SLC35G1: variants seen among roughly 807,000 people sequenced by gnomAD.
SLC35G1 encodes partner of STIM1.
In SLC35G1, 10 loss-of-function variants were observed where a neutral mutation model predicts 17.1. That is an observed-to-expected ratio of 0.59 (90% confidence interval 0.36 to 0.99). The LOEUF (loss-of-function observed/expected upper bound fraction) is 0.99, where lower values mean the gene tolerates loss of function less well. SLC35G1 is among the 50% of genes least tolerant of loss of function. The pLI is 0.01. For synonymous variants in SLC35G1, 185 were observed against 181.1 expected (o/e 1.02, Z -0.18); for missense variants, 433 against 468.4 (o/e 0.92, Z 0.70).
chr10:93,906,356 G>C (rs967066740), downstream of SLC35G1: 1 of 152,248 alleles, frequency 6.6e-6, no homozygotes, highest in African/African-American at 2.4e-5. Context: ...TGCACTACCA[G>C]CTGATAGCCA....
In SLC35G1 at chr10:93,900,791, C is replaced by T. The variant is rs777486999; in HGVS notation, c.399C>T (p.Leu133=). 5 of 1,610,110 alleles carry T rather than the reference C, an allele frequency of 3.1e-6. No homozygotes were observed. The East Asian group carries it at 8.9e-5, about 29-fold the overall frequency. Reference sequence around the variant, plus strand: ...GCCCAAAAGGTCAACGAATTTTCCTCATTCTCAGAGGAGTCCTTGGTTCTA... The same window carrying T: ...GCCCAAAAGGTCAACGAATTTTCCTTATTCTCAGAGGAGTCCTTGGTTCTA... The part of the protein sequence containing the change: ...FIGPKGQRIF[L]ILRGVLGSTA... Residue 133 remains leucine, a synonymous_variant, in exon 3 of 3, where the codon CTC becomes CTT. Coordinates refer to ENST00000427197, the MANE Select transcript of SLC35G1 (RefSeq NM_001134658.3).
rs138678421 is a variant in SLC35G1 at position 93,894,646 on chromosome 10, G to T, written c.178+435G>T. Among the ~76,000 whole-genome samples, 673 of 152,246 alleles carry T rather than the reference G, an allele frequency of 4.4e-3. 8 individuals are homozygous for T. Among genetic ancestry groups the T allele is most frequent in the African/African-American group, 0.015 (637 of 41,544 alleles). On this transcript the variant is annotated intron_variant, in intron 1 of 2. Coordinates refer to ENST00000427197, the MANE Select transcript of SLC35G1 (RefSeq NM_001134658.3). ...TCCGAAAAGGAAGCTGAAAAGCATC[G>T]AGTCTAGAAAAAATGTTCGTCCTAG...
At chr10:93,905,954 G>A (rs140256674), downstream of SLC35G1, among the ~76,000 whole-genome samples, 268 of 152,278 alleles carry the variant, frequency 1.8e-3, 2 homozygotes, top group African/African-American at 6.3e-3. Context: ...TGCAGCAGAA[G>A]TACATGGAAA....
chr10:93,907,288 A>G (rs1314285387), downstream of SLC35G1: 1 of 152,164 alleles, frequency 6.6e-6, no homozygotes, highest in Non-Finnish European at 1.5e-5. Flanking sequence ...TTGTATGTGC[A>G]TTTTAGAAAA....
At chr10:93,897,707 G>T (rs1253299013) in intron 1 of SLC35G1, among the ~76,000 whole-genome samples, 2 of 152,168 alleles carry the variant, frequency 1.3e-5, no homozygotes, top group Non-Finnish European at 2.9e-5. Flanking sequence ...CACACAGATT[G>T]TCATTAATGA....
Position 93,894,128 on chromosome 10 carries a change from C to A in SLC35G1, c.95C>A (p.Ala32Glu), listed in dbSNP as rs940966832. 17 of 1,484,888 alleles carry A rather than the reference C, an allele frequency of 1.1e-5. No individual in the cohort carries two copies. In the Admixed American group the frequency reaches 1.6e-4, roughly 14 times the overall value. The allele number at this position is 1,484,888 out of a possible 1,614,324, so 92.0% of individuals were successfully genotyped here. A position where few individuals can be genotyped will look rare whatever the true frequency, so the allele number is the denominator to read the frequency against. Residue 32 changes from alanine to glutamate, a missense_variant, in exon 1 of 3, where the codon GCG becomes GAG. Physicochemically the swap from Ala to Glu is moderately radical, Grantham distance 107 (BLOSUM62 -1). Coordinates refer to ENST00000427197, the MANE Select transcript of SLC35G1 (RefSeq NM_001134658.3). ...DAPPGATEEP[A>E]AAEAAGAPDR... Reference sequence around the variant, plus strand: ...CCCCCGGGCGCCACTGAGGAGCCGGCGGCCGCCGAGGCAGCTGGGGCGCCA... The same window carrying A: ...CCCCCGGGCGCCACTGAGGAGCCGGAGGCCGCCGAGGCAGCTGGGGCGCCA...
At chr10:93,900,637 CTA>C in intron 2 of SLC35G1, 113 bp from the exon 3 acceptor site, 1 of 608,726 alleles carries the variant, frequency 1.6e-6, no homozygotes, top group East Asian at 3.5e-5. Context: ...AATTAATTTA[CTA>C]TTCCCTCATT....
downstream of SLC35G1, chr10:93,907,169 A>G (rs561362047): frequency 3.3e-5 from 5 of 152,336 alleles, no homozygotes; most frequent in African/African-American, 1.2e-4. Context: ...ACTTGAGTCC[A>G]GGAGTTTAAG....
At chr10:93,898,819 A>G (rs2060355835) in intron 2 of SLC35G1, 68 bp downstream of exon 2, 4 of 1,435,216 alleles carry the variant, frequency 2.8e-6, no homozygotes, top group Non-Finnish European at 3.8e-6. Context: ...ACCTGCCTAT[A>G]ATTACTCTAT....
chr10:93,906,207 T>C (rs978253510), downstream of SLC35G1: 2 of 152,266 alleles, frequency 1.3e-5, no homozygotes, highest in Non-Finnish European at 2.9e-5. Context: ...TAATTCAGAA[T>C]GGACTAACAT....
chr10:93,894,065 AG>A lies in SLC35G1; in HGVS notation c.33del (p.Glu11AspfsTer9). On this transcript the variant is annotated frameshift_variant, in exon 1 of 3. Transcript: ENST00000427197. LOFTEE classifies it high-confidence loss of function. ...CCTCAGGACAGCACCGGGGTCGCGG[AG>A]CTCCAGGAGCCCGGGCTGCCGCTAA... The part of the protein sequence containing the change: MRPQDSTGVA[E>X]LQEPGLPLTD... The A allele has an allele frequency of 6.7e-7, 1 of 1,481,610 alleles. No individual in the cohort carries two copies. The highest frequency in any genetic ancestry group is 8.9e-7 in the Non-Finnish European group (1 of 1,124,486). 91.8% of individuals were successfully genotyped at this position (1,481,610 alleles called of 1,614,324 possible).
In SLC35G1 at chr10:93,898,649, CTT is replaced by C; in HGVS notation, c.259_260del (p.Leu87IlefsTer3). On this transcript the variant is annotated frameshift_variant, in exon 2 of 3. Coordinates refer to ENST00000427197, the MANE Select transcript of SLC35G1 (RefSeq NM_001134658.3). LOFTEE classifies it high-confidence loss of function. ...TCTGCCTTCCTTTTCTCAGTGGGCT[CTT>C]TATTTGTTAAAAAAGTGCAAGACGT... is the stretch of plus-strand genomic sequence containing the variant. 6.2e-7 allele frequency: 1 copy of C among 1,613,768 alleles called. No individual in the cohort carries two copies. Among genetic ancestry groups the C allele is most frequent in the Non-Finnish European group, 8.5e-7 (1 of 1,179,894 alleles).
At chr10:93,894,705 G>A (rs1423124494) in intron 1 of SLC35G1, among the ~76,000 whole-genome samples, 1 of 152,122 alleles carries the variant, frequency 6.6e-6, no homozygotes, top group Admixed American at 6.6e-5. Context: ...GAGATAAGTG[G>A]GACCGCTAGT....
chr10:93,903,193 A>T lies in SLC35G1; in HGVS notation c.*1703A>T, dbSNP rs185535840. On this transcript the variant is annotated 3_prime_UTR_variant, in exon 3 of 3. Transcript: ENST00000427197. The stretch of plus-strand genomic sequence containing the variant: ...TGCCTTGACACCTGACAAACCCTAA[A>T]TGAAGTCTATGTAGGTGAGTCATCT... 6.6e-6 allele frequency: 1 copy of T among 152,296 alleles called. No homozygotes were observed. The highest frequency in any genetic ancestry group is 1.5e-5 in the Non-Finnish European group (1 of 68,022). 9.4% of individuals were successfully genotyped at this position (152,296 alleles called of 1,614,324 possible).
chr10:93,908,747 T>C (rs140551683), downstream of SLC35G1: 10 of 152,252 alleles, frequency 6.6e-5, no homozygotes, highest in African/African-American at 1.9e-4. Flanking sequence ...ATATATGGAC[T>C]ATATAATCAG....
chr10:93,894,866 G>A (rs990945450), intron 1 of SLC35G1, among the ~76,000 whole-genome samples: 2 of 152,142 alleles, frequency 1.3e-5, no homozygotes, highest in Non-Finnish European at 2.9e-5. Context: ...CATGAGCAAA[G>A]TGAGGCCCAG....
chr10:93,894,189 G>C lies in SLC35G1; in HGVS notation c.156G>C (p.Pro52=), dbSNP rs541046814. Residue 52 remains proline, a synonymous_variant, in exon 1 of 3, where the codon CCG becomes CCC. Transcript: ENST00000427197. ...RGRCWLCLSS[P]CCSRTEPEAK... is the part of the protein sequence containing the mutation. ...GGTGCTGGCTCTGCCTTTCCTCGCC[G>C]TGTTGCTCCCGCACCGAGCCGGGTG... is the stretch of plus-strand genomic sequence containing the variant. 8 of 1,437,556 alleles carry C rather than the reference G, an allele frequency of 5.6e-6. No homozygotes were observed. The African/African-American group carries it at 1.0e-4, about 19-fold the overall frequency. The allele number at this position is 1,437,556 out of a possible 1,614,324, so 89.1% of individuals were successfully genotyped here.
At chr10:93,909,389 G>C (rs2060445615) in exon 3 of SLC35G1, 1 of 151,204 alleles carries the variant, frequency 6.6e-6, no homozygotes, top group South Asian at 2.1e-4. Context: ...CCTCTTGGAG[G>C]CTTCATGCTT....
chr10:93,905,553 C>G (rs2060423396), downstream of SLC35G1, among the ~76,000 whole-genome samples: 1 of 152,100 alleles, frequency 6.6e-6, no homozygotes, highest in East Asian at 1.9e-4. Flanking sequence ...AGCCCATGAA[C>G]CTTGGCACTT....
Sources: gnomAD v4.1 joint callset for allele counts (sites outside exome capture counted in the v4.1 genomes callset) on GRCh38, gnomAD v4.1.1 for gene constraint, MANE v1.5 for transcripts, NCBI Gene and HGNC (gene_info 2026-07-23, HGNC 2026-07-21) for gene names.